CAPN9: variants seen among roughly 807,000 people sequenced by gnomAD.
CAPN9 encodes the protein calpain-9.
CAPN9 carries 81 observed loss-of-function variants against 92.8 expected under a neutral mutation model. That is an observed-to-expected ratio of 0.87 (90% CI 0.73 to 1.05). The LOEUF (loss-of-function observed/expected upper bound fraction) is 1.05, where lower values mean the gene tolerates loss of function less well. Ranked by LOEUF, CAPN9 falls within the 50% of genes least tolerant of loss-of-function variation. The pLI is 0.00. For missense variants in CAPN9, 848 were observed against 866.2 expected (o/e 0.98, Z 0.26); for synonymous variants, 304 against 328.0 (o/e 0.93, Z 0.79).
intron 19 of CAPN9, among the ~76,000 whole-genome samples, 162 bp from the exon 20 acceptor site, chr1:230,801,408 T>G (rs909461409): frequency 3.3e-5 from 5 of 152,316 alleles, no homozygotes; most frequent in African/African-American, 1.2e-4. Flanking sequence ...TCATTTATTT[T>G]CTTTAAATGG....
Position 230,779,098 on chromosome 1 carries a change from G to A in CAPN9, c.1079G>A (p.Arg360His), listed in dbSNP as rs1354483285. Residue 360 changes from arginine (R) to histidine (H), a missense_variant, in exon 9 of 20, where the codon CGC (arginine) becomes CAC (histidine). By Grantham distance (29) the Arg-to-His change is conservative (BLOSUM62 0). Coordinates refer to ENST00000271971, the MANE Select transcript of CAPN9 (RefSeq NM_006615.3). ...EVTVHQGSWVRGSTAGGCRNF... is the reference protein window; with the variant it reads ...EVTVHQGSWVHGSTAGGCRNF... Reference sequence around the variant, plus strand: ...ACGGTCCATCAGGGAAGCTGGGTTCGCGGCTCCACGGCTGGGGGCTGCCGC... The same window carrying A: ...ACGGTCCATCAGGGAAGCTGGGTTCACGGCTCCACGGCTGGGGGCTGCCGC... 9.9e-6 allele frequency: 16 copies of A among 1,612,780 alleles called. No individual in the cohort carries two copies. The highest frequency in any genetic ancestry group is 1.2e-5 in the Non-Finnish European group (14 of 1,179,926).
At chr1:230,751,753 C>A (rs2102827813) in intron 1 of CAPN9, among the ~76,000 whole-genome samples, 1 of 150,916 alleles carries the variant, frequency 6.6e-6, no homozygotes, top group Admixed American at 6.6e-5. Flanking sequence ...CGGCTGAGCC[C>A]CGATGATGTA....
intron 11 of CAPN9, among the ~76,000 whole-genome samples, chr1:230,785,457 G>A (rs1572074383): frequency 6.6e-6 from 1 of 152,266 alleles, no homozygotes; most frequent in East Asian, 1.9e-4. Flanking sequence ...TTGGGTCATG[G>A]GGGCGGATCT....
intron 11 of CAPN9, among the ~76,000 whole-genome samples, chr1:230,781,069 A>C (rs1406122742): frequency 6.6e-6 from 1 of 151,874 alleles, no homozygotes; most frequent in East Asian, 1.9e-4. Flanking sequence ...GGGTTTCACC[A>C]TGTTAGCCAG....
intron 6 of CAPN9, among the ~76,000 whole-genome samples, chr1:230,770,217 T>G (rs1331537845): frequency 6.6e-6 from 1 of 151,944 alleles, no homozygotes; most frequent in Non-Finnish European, 1.5e-5. Context: ...CTGGTCTGAG[T>G]CTGAAAGGAA....
chr1:230,770,189 A>G (rs1316691955), intron 6 of CAPN9, among the ~76,000 whole-genome samples: 1 of 152,204 alleles, frequency 6.6e-6, no homozygotes, highest in Non-Finnish European at 1.5e-5. Context: ...GAGGCCCAAG[A>G]AAGCCAGTGG....
chr1:230,800,230 A>G (rs59762044), intron 19 of CAPN9, among the ~76,000 whole-genome samples: 1 of 46,960 alleles, frequency 2.1e-5, no homozygotes, highest in Non-Finnish European at 4.8e-5. Flanking sequence ...TAAGAAAGAA[A>G]GAAGAAAGAA....
chr1:230,767,721 A>G lies in CAPN9; in HGVS notation c.705+12A>G. The G allele has an allele frequency of 1.2e-6, 2 of 1,610,234 alleles. No homozygotes were observed. The highest frequency in any genetic ancestry group is 1.7e-6 in the Non-Finnish European group (2 of 1,178,478). On this transcript the variant is annotated intron_variant, in intron 5 of 19. Transcript: ENST00000271971. ...GCTGCTTCATTGATGTAAGTTGCTC[A>G]TGGGCTCCCATTCCAGGCACTATGC...
At chr1:230,771,270 G>A (rs1666370981) in intron 6 of CAPN9, among the ~76,000 whole-genome samples, 1 of 152,324 alleles carries the variant, frequency 6.6e-6, no homozygotes, top group Non-Finnish European at 1.5e-5. Flanking sequence ...AAATGCATGA[G>A]GATAAAACAT....
At chr1:230,752,723 A>G (rs1664926947) in intron 1 of CAPN9, 1 of 984,600 alleles carries the variant, frequency 1.0e-6, no homozygotes, top group Non-Finnish European at 1.2e-6. Context: ...TTGAGGAGTG[A>G]GTAGCATTGG....
intron 5 of CAPN9, 102 bp from the exon 6 acceptor site, chr1:230,769,078 G>T: frequency 1.1e-6 from 1 of 881,050 alleles, no homozygotes; most frequent in Non-Finnish European, 1.9e-6. Context: ...GCAGCAGAAG[G>T]GGCTGGAGGT....
chr1:230,765,239 A>ACACT (rs1398842842), intron 4 of CAPN9, among the ~76,000 whole-genome samples: 1 of 151,762 alleles, frequency 6.6e-6, no homozygotes, highest in Non-Finnish European at 1.5e-5. Context: ...ACACACACAC[A>ACACT]CACACACACA....
At chr1:230,771,157 C>G (rs573454981) in intron 6 of CAPN9, among the ~76,000 whole-genome samples, 1 of 152,318 alleles carries the variant, frequency 6.6e-6, no homozygotes, top group South Asian at 2.1e-4. Context: ...CTGAACCTTT[C>G]AAATTAAATG....
At chr1:230,768,185 G>A (rs898785745) in intron 5 of CAPN9, among the ~76,000 whole-genome samples, 2 of 152,136 alleles carry the variant, frequency 1.3e-5, no homozygotes, top group Admixed American at 1.3e-4. Context: ...AGTGAACTAT[G>A]ATCGTGTCAC....
At chr1:230,796,375 A>T (rs1038304328) in intron 18 of CAPN9, among the ~76,000 whole-genome samples, 9 of 149,520 alleles carry the variant, frequency 6.0e-5, no homozygotes, top group East Asian at 1.9e-4. Flanking sequence ...AATAAATAAT[A>T]AAATTAAATT....
intron 5 of CAPN9, among the ~76,000 whole-genome samples, chr1:230,768,342 G>A (rs957525726): frequency 6.6e-6 from 1 of 152,074 alleles, no homozygotes; most frequent in African/African-American, 2.4e-5. Flanking sequence ...GCCCATACAG[G>A]CGCATTTTTA....
Position 230,792,415 on chromosome 1 carries a change from A to G in CAPN9, c.1723-11A>G. On this transcript the variant is annotated splice_polypyrimidine_tract_variant and intron_variant, in intron 15 of 19. Coordinates refer to ENST00000271971, the MANE Select transcript of CAPN9 (RefSeq NM_006615.3). ...ACACTGCTCATGTCTCCCTTAACCC[A>G]CATGGCACAGACCAGCGGCAATGGG... 1.2e-6 allele frequency: 2 copies of G among 1,613,186 alleles called. No individual in the cohort carries two copies. The highest frequency in any genetic ancestry group is 1.1e-5 in the South Asian group (1 of 91,054).
intron 8 of CAPN9, 78 bp from the exon 9 acceptor site, chr1:230,778,895 A>G (rs1667013542): frequency 8.0e-7 from 1 of 1,257,452 alleles, no homozygotes; most frequent in Admixed American, 2.1e-5. Context: ...GAATAAGTGA[A>G]TGATTTAATG....
At chr1:230,800,492 G>A (rs1429218790) in intron 19 of CAPN9, among the ~76,000 whole-genome samples, 3 of 152,154 alleles carry the variant, frequency 2.0e-5, no homozygotes, top group African/African-American at 7.2e-5. Context: ...AGCACCAGCA[G>A]TGTGGAGGAA....
Sources: gnomAD v4.1 joint callset for allele counts (sites outside exome capture counted in the v4.1 genomes callset) on GRCh38, gnomAD v4.1.1 for gene constraint, MANE v1.5 for transcripts, NCBI Gene and HGNC (gene_info 2026-07-23, HGNC 2026-07-21) for gene names.